SMIM36: variants seen among roughly 807,000 people sequenced by gnomAD.
SMIM36 encodes small integral membrane protein 36.
the SMIM36 span, among the ~76,000 whole-genome samples, chr17:55,520,577 A>G: frequency 6.6e-6 from 1 of 152,226 alleles, no homozygotes; most frequent in East Asian, 1.9e-4. Context: ...ACTAATGGGC[A>G]GGTAGCATGT....
chr17:55,526,306 G>GTTAT, the SMIM36 span, among the ~76,000 whole-genome samples: 1 of 151,906 alleles, frequency 6.6e-6, no homozygotes, highest in Non-Finnish European at 1.5e-5. Context: ...ACCACATCTG[G>GTTAT]TTATTTATTT....
At chr17:55,498,890 T>C (rs1909857980) in intron 1 of SMIM36, among the ~76,000 whole-genome samples, 1 of 143,044 alleles carries the variant, frequency 7.0e-6, no homozygotes, top group South Asian at 2.2e-4. Context: ...TCCCAGTTAA[T>C]GGGGAGACTG....
the SMIM36 span, among the ~76,000 whole-genome samples, chr17:55,520,767 G>T: frequency 6.6e-6 from 1 of 152,232 alleles, no homozygotes; most frequent in Non-Finnish European, 1.5e-5. Context: ...CACTGAAGCT[G>T]TGGAAAGTGA....
At chr17:55,467,358 C>T (rs1909256749) in intron 3 of SMIM36, 30 bp from the exon 4 acceptor site, 1 of 152,030 alleles carries the variant, frequency 6.6e-6, no homozygotes, top group African/African-American at 2.4e-5. Flanking sequence ...ACACCAACCT[C>T]AAAGCGTGTT....
the SMIM36 span, among the ~76,000 whole-genome samples, chr17:55,518,197 A>T: frequency 0.35 from 53,114 of 151,998 alleles, 10,983 homozygotes; most frequent in Non-Finnish European, 0.46. Context: ...GACAAGAGAG[A>T]GCATGAGAGC....
intron 1 of SMIM36, among the ~76,000 whole-genome samples, chr17:55,495,500 C>T (rs76956288): frequency 0.012 from 1,806 of 152,194 alleles, 29 homozygotes; most frequent in Middle Eastern, 0.037. Flanking sequence ...TTTATAAAAC[C>T]AATAATAGAC....
intron 4 of SMIM36, among the ~76,000 whole-genome samples, chr17:55,464,107 C>A (rs1909193816): frequency 6.6e-6 from 1 of 151,746 alleles, no homozygotes; most frequent in Non-Finnish European, 1.5e-5. Flanking sequence ...AAAGCAAGGC[C>A]CTGTCTCAAA....
intron 3 of SMIM36, among the ~76,000 whole-genome samples, chr17:55,468,917 G>T (rs1312351097): frequency 6.6e-6 from 1 of 152,076 alleles, no homozygotes; most frequent in South Asian, 2.1e-4. Flanking sequence ...CATCCTACAA[G>T]ATCTAGATAA....
At chr17:55,475,935 T>G (rs1390015353) in intron 3 of SMIM36, among the ~76,000 whole-genome samples, 2 of 152,144 alleles carry the variant, frequency 1.3e-5, no homozygotes, top group Non-Finnish European at 2.9e-5. Flanking sequence ...CACTGTAGGT[T>G]CCCATGCTGC....
Position 55,473,578 on chromosome 17 carries a change from C to T in SMIM36, c.*347+5184G>A, listed in dbSNP as rs116412609. ...TCAGTGGAACCTTCCTACTCCTTAC[C>T]GTCCTCAATCCTCAGGAAAGGTAGA... On this transcript the variant is annotated intron_variant, in intron 3 of 4. Transcript: ENST00000636752. Among the ~76,000 whole-genome samples the T allele has an allele frequency of 1.6e-3, 241 of 152,164 alleles. 1 individual carries two copies. The highest frequency in any genetic ancestry group is 5.5e-3 in the African/African-American group (227 of 41,500).
intron 1 of SMIM36, among the ~76,000 whole-genome samples, chr17:55,501,254 T>A (rs187610421): frequency 1.1e-3 from 34 of 31,430 alleles, no homozygotes; most frequent in Middle Eastern, 0.029. Flanking sequence ...AGTATTATAT[T>A]TTATATTTTA....
intron 1 of SMIM36, among the ~76,000 whole-genome samples, chr17:55,483,288 A>G (rs1321649850): frequency 6.6e-6 from 1 of 152,124 alleles, no homozygotes; most frequent in Non-Finnish European, 1.5e-5. Context: ...TGATTCTACC[A>G]CTTTTTGCAT....
At chr17:55,518,306 C>T in the SMIM36 span, among the ~76,000 whole-genome samples, 6,245 of 152,294 alleles carry the variant, frequency 0.041, 389 homozygotes, top group African/African-American at 0.14. Context: ...TTAATCCATT[C>T]ATAAAGACAG....
intron 1 of SMIM36, among the ~76,000 whole-genome samples, chr17:55,484,922 A>G (rs972837190): frequency 1.6e-5 from 2 of 128,942 alleles, no homozygotes; most frequent in Non-Finnish European, 3.5e-5. Flanking sequence ...AAATATTAGG[A>G]CCAAATGTGA....
chr17:55,501,543 A>C (rs1438426875), intron 1 of SMIM36, among the ~76,000 whole-genome samples: 1 of 120,406 alleles, frequency 8.3e-6, no homozygotes, highest in African/African-American at 3.2e-5. Flanking sequence ...AATTATATAC[A>C]ATATTATATA....
At chr17:55,460,246 G>C (rs546344616) in intron 4 of SMIM36, among the ~76,000 whole-genome samples, 1 of 151,944 alleles carries the variant, frequency 6.6e-6, no homozygotes. Context: ...TGGCCAAGAT[G>C]GTGAAACCCT....
intron 4 of SMIM36, among the ~76,000 whole-genome samples, chr17:55,466,765 G>A (rs1909245928): frequency 6.6e-6 from 1 of 152,190 alleles, no homozygotes; most frequent in Non-Finnish European, 1.5e-5. Flanking sequence ...CAACAGAAAA[G>A]CCACAGTTCA....
rs35834283 is a variant in SMIM36, at chr17:55,508,928, CAAAA to C, written c.*174+1947_*174+1950del. Among the ~76,000 whole-genome samples, 685 of 97,026 alleles carry C rather than the reference CAAAA, an allele frequency of 7.1e-3. 3 individuals carry two copies. Among genetic ancestry groups the C allele is most frequent in the Non-Finnish European group, 0.01 (495 of 48,126 alleles). The allele number at this position is 97,026 out of a possible 152,430, so 63.7% of individuals were successfully genotyped here. A position where few individuals can be genotyped will look rare whatever the true frequency, so the allele number is the denominator to read the frequency against. ...ATAAGGGCAAGGCTCTGTCTCAGAA[CAAAA>C]AAAAAAAAAAAAAAAAAAGTGAAGA... On this transcript the variant is annotated intron_variant, in intron 1 of 4. Coordinates refer to ENST00000636752, the Ensembl canonical transcript of SMIM36.
At chr17:55,491,930 T>C (rs1331829461) in intron 1 of SMIM36, among the ~76,000 whole-genome samples, 2 of 151,580 alleles carry the variant, frequency 1.3e-5, no homozygotes, top group Non-Finnish European at 2.9e-5. Context: ...GAGGCCGAGG[T>C]GGGGGAATCA....
Sources: gnomAD v4.1 joint callset for allele counts (sites outside exome capture counted in the v4.1 genomes callset) on GRCh38, gnomAD v4.1.1 for gene constraint, MANE v1.5 for transcripts, NCBI Gene and HGNC (gene_info 2026-07-23, HGNC 2026-07-21) for gene names.